USP39: variants seen among roughly 807,000 people sequenced by gnomAD.
USP39 encodes the protein ubiquitin carboxyl-terminal hydrolase 39.
In USP39, 38 loss-of-function variants were observed where a neutral mutation model predicts 66.4. That is an observed-to-expected ratio of 0.57 (90% CI 0.44 to 0.75). The LOEUF is 0.75. USP39 is among the 30% of genes least tolerant of loss of function. The pLI is 0.00. For missense variants in USP39, 608 were observed against 714.4 expected, an observed-to-expected ratio of 0.85 and a Z score of 1.70; for synonymous variants, 303 against 274.6, an observed-to-expected ratio of 1.10 and a Z score of -1.02.
chr2:85,604,193 G>A (rs985125166), intron 1 of USP39, among the ~76,000 whole-genome samples: 1 of 152,158 alleles, frequency 6.6e-6, no homozygotes, highest in Non-Finnish European at 1.5e-5. Flanking sequence ...AGCAGAAATG[G>A]AAGCAGAAAA....
chr2:85,630,818 T>G lies in USP39; in HGVS notation c.821T>G (p.Val274Gly). 6.2e-7 allele frequency: 1 copy of G among 1,614,176 alleles called. No individual in the cohort carries two copies. Among genetic ancestry groups the G allele is most frequent in the Non-Finnish European group, 8.5e-7 (1 of 1,180,024 alleles). ...CCAGGGGATATCATGTTCTTGTTGGTCCAGCGTTTTGGAGAGCTGATGAGA... is the reference window on the plus strand; with the variant it reads ...CCAGGGGATATCATGTTCTTGTTGGGCCAGCGTTTTGGAGAGCTGATGAGA... ...RPPGDIMFLLVQRFGELMRKL... is the reference protein window; with the variant it reads ...RPPGDIMFLLGQRFGELMRKL... Residue 274 changes from valine to glycine, a missense_variant, in exon 6 of 13, where the codon GTC (valine) becomes GGC (glycine). Val to Gly is a moderately radical substitution (Grantham distance 109). Around this residue, in one of 6 missense-constraint regions of USP39, gnomAD observed 33 missense variants for 21.7 expected, o/e 1.52. Transcript: ENST00000323701.
chr2:85,647,795 T>G (rs1225540744), intron 11 of USP39, 135 bp from the exon 12 acceptor site: 1 of 679,036 alleles, frequency 1.5e-6, no homozygotes, highest in Admixed American at 2.7e-5. Flanking sequence ...TCATGTACCC[T>G]CTTCTTTATG....
At chr2:85,603,877 G>A (rs570878732) in intron 1 of USP39, among the ~76,000 whole-genome samples, 24 of 152,338 alleles carry the variant, frequency 1.6e-4, no homozygotes, top group Admixed American at 1.1e-3. Context: ...ACAGGCGTGG[G>A]CCACTGCGCC....
At chr2:85,612,240 T>A, upstream of USP39, 1 of 1,347,934 alleles carries the variant, frequency 7.4e-7, no homozygotes, top group Non-Finnish European at 1.0e-6. Flanking sequence ...TGTTTTTTCG[T>A]AACATATCAA....
chr2:85,616,117 G>A (rs1673904516), upstream of USP39: 1 of 1,384,082 alleles, frequency 7.2e-7, no homozygotes, highest in East Asian at 2.9e-5. Flanking sequence ...CTCGCTACCA[G>A]CCCCTCTCCT....
At chr2:85,627,594 C>A (rs1674969365) in intron 5 of USP39, among the ~76,000 whole-genome samples, 1 of 150,958 alleles carries the variant, frequency 6.6e-6, no homozygotes, top group Non-Finnish European at 1.5e-5. Context: ...AGTTTGAAAT[C>A]AGCCTGGCAA....
upstream of USP39, among the ~76,000 whole-genome samples, chr2:85,613,035 C>G (rs372096728): frequency 5.3e-5 from 8 of 149,992 alleles, no homozygotes; most frequent in African/African-American, 2.0e-4. Context: ...AGTCCTTTTA[C>G]AAAAGTCAAA....
rs776253807 is a variant in USP39, at chr2:85,639,313, G to A, written c.1206G>A (p.Lys402=). ...TLDLPTAPLY[K]DEKEQLIIPQ... ...ACCTTCCTACTGCCCCCCTCTACAAGGACGAGAAGGAGCAGCTCATCATTC... is the reference window on the plus strand; with the variant it reads ...ACCTTCCTACTGCCCCCCTCTACAAAGACGAGAAGGAGCAGCTCATCATTC... The change falls in exon 9 of 13, where the codon AAG becomes AAA. Residue 402 remains lysine (K), a synonymous_variant. Coordinates refer to ENST00000323701, the MANE Select transcript of USP39 (RefSeq NM_006590.4). 2 of 1,613,896 alleles carry A rather than the reference G, an allele frequency of 1.2e-6. No individual in the cohort carries two copies. Among genetic ancestry groups the A allele is most frequent in the African/African-American group, 1.3e-5 (1 of 74,846 alleles).
At chr2:85,612,187 C>T (rs989152011), upstream of USP39, 123 of 998,066 alleles carry the variant, frequency 1.2e-4, no homozygotes, top group East Asian at 3.1e-3. Flanking sequence ...TGCTTGACTT[C>T]CACCCCCCGG....
upstream of USP39, among the ~76,000 whole-genome samples, chr2:85,615,911 T>G (rs553169085): frequency 1.9e-4 from 29 of 152,186 alleles, no homozygotes; most frequent in Non-Finnish European, 3.4e-4. Context: ...ATTACAGGCG[T>G]AAGCCACCGC....
chr2:85,641,149 G>C (rs763357432), intron 10 of USP39, 31 bp downstream of exon 10: 1 of 1,608,948 alleles, frequency 6.2e-7, no homozygotes, highest in South Asian at 1.1e-5. Context: ...CTTCTCTCAC[G>C]GGGAGTGAAC....
chr2:85,609,955 A>ACAGG (rs1673401350), upstream of USP39, among the ~76,000 whole-genome samples: 1 of 151,130 alleles, frequency 6.6e-6, no homozygotes, highest in Admixed American at 6.6e-5. Context: ...TGCTGGGATT[A>ACAGG]CAGGCGTGAG....
At chr2:85,640,617 A>T (rs770130108) in intron 9 of USP39, among the ~76,000 whole-genome samples, 240 of 135,042 alleles carry the variant, frequency 1.8e-3, no homozygotes, top group Non-Finnish European at 2.7e-3. Context: ...ATATATATAT[A>T]TATTTTTTTT....
At chr2:85,629,914 A>ATT (rs1242869728) in intron 5 of USP39, among the ~76,000 whole-genome samples, 1 of 152,024 alleles carries the variant, frequency 6.6e-6, no homozygotes, top group Non-Finnish European at 1.5e-5. Flanking sequence ...GTGAGCCAAG[A>ATT]TCGTGCCACT....
intron 1 of USP39, among the ~76,000 whole-genome samples, chr2:85,605,129 A>G (rs1673170945): frequency 6.6e-6 from 1 of 152,082 alleles, no homozygotes; most frequent in Non-Finnish European, 1.5e-5. Flanking sequence ...AGCTCTTAAA[A>G]TAGTGTGGCA....
chr2:85,621,441 C>CT, intron 2 of USP39, 44 bp from the exon 3 acceptor site: 1 of 1,575,678 alleles, frequency 6.3e-7, no homozygotes, highest in Non-Finnish European at 8.7e-7. Flanking sequence ...GCGTGCCTTC[C>CT]TACATGTCCA....
intron 2 of USP39, among the ~76,000 whole-genome samples, chr2:85,619,680 T>A (rs1384530880): frequency 6.6e-6 from 1 of 151,760 alleles, no homozygotes; most frequent in African/African-American, 2.4e-5. Flanking sequence ...GATTCCCAGG[T>A]GGCATGTAGA....
chr2:85,623,584 A>G, intron 3 of USP39, 62 bp from the exon 4 acceptor site: 1 of 1,493,732 alleles, frequency 6.7e-7, no homozygotes, highest in Non-Finnish European at 8.9e-7. Context: ...AAGGAAAAGC[A>G]AACCTGATCT....
At chr2:85,613,669 C>G (rs1211218226), upstream of USP39, among the ~76,000 whole-genome samples, 1 of 151,900 alleles carries the variant, frequency 6.6e-6, no homozygotes. Context: ...ATATGAGACT[C>G]TAGGAAGTGC....
Sources: allele counts gnomAD v4.1 joint callset (sites outside exome capture counted in the v4.1 genomes callset), GRCh38; gene constraint gnomAD v4.1.1; regional missense constraint gnomAD v4.1.1; transcripts MANE v1.5; gene names NCBI Gene and HGNC (gene_info 2026-07-23, HGNC 2026-07-21).